Variants in DLG2 observed in about 807,000 individuals in gnomAD.
The protein encoded by DLG2 is disks large homolog 2.
In DLG2, 45 loss-of-function variants were observed where a neutral mutation model predicts 132.5. That is an observed-to-expected ratio of 0.34 (90% confidence interval 0.27 to 0.44). The LOEUF (loss-of-function observed/expected upper bound fraction) is 0.44, where lower values mean the gene tolerates loss of function less well. Ranked by LOEUF, DLG2 falls within the 20% of genes least tolerant of loss-of-function variation. The pLI is 1.00. For missense variants in DLG2, 1,045 were observed against 1,196.9 expected (o/e 0.87, Z 1.87); for synonymous variants, 424 against 419.6 (o/e 1.01, Z -0.13).
chr11:84,853,206 G>A (rs1052055924), intron 6 of DLG2, among the ~76,000 whole-genome samples: 3 of 151,916 alleles, frequency 2.0e-5, no homozygotes, highest in Non-Finnish European at 1.5e-5. Context: ...AACCCTATTT[G>A]CTTCTTTGAT....
intron 7 of DLG2, chr11:84,317,165 T>A: frequency 6.3e-7 from 1 of 1,594,160 alleles, no homozygotes; most frequent in East Asian, 2.2e-5. Flanking sequence ...ATGCCTACTC[T>A]TTCCTTTGGT....
At chr11:84,505,208 T>G (rs2154511985) in intron 7 of DLG2, among the ~76,000 whole-genome samples, 1 of 152,286 alleles carries the variant, frequency 6.6e-6, no homozygotes, top group Admixed American at 6.5e-5. Context: ...TAGGCGACCC[T>G]TCCCACAAAT....
At chr11:84,184,993 A>G (rs1362997572) in intron 8 of DLG2, among the ~76,000 whole-genome samples, 8 of 152,104 alleles carry the variant, frequency 5.3e-5, no homozygotes, top group Admixed American at 2.0e-4. Context: ...GTAGTTTGAA[A>G]TCAGGTAGCG....
intron 6 of DLG2, among the ~76,000 whole-genome samples, chr11:84,555,269 A>G (rs752131404): frequency 1.3e-5 from 2 of 152,174 alleles, no homozygotes; most frequent in Non-Finnish European, 2.9e-5. Flanking sequence ...GAACTACAAT[A>G]TTATCTAGCA....
chr11:85,026,007 C>G (rs936668698), intron 6 of DLG2, among the ~76,000 whole-genome samples: 2 of 151,754 alleles, frequency 1.3e-5, no homozygotes, highest in Non-Finnish European at 2.9e-5. Context: ...GTACATAAGA[C>G]AATAAAGATT....
At chr11:84,701,848 C>T (rs543962267) in intron 6 of DLG2, among the ~76,000 whole-genome samples, 2 of 151,386 alleles carry the variant, frequency 1.3e-5, no homozygotes, top group Non-Finnish European at 3.0e-5. Flanking sequence ...CCAGATCACA[C>T]CTTATTTTTC....
intron 5 of DLG2, among the ~76,000 whole-genome samples, chr11:85,115,428 GC>G (rs1362833627): frequency 1.3e-5 from 2 of 151,856 alleles, no homozygotes; most frequent in Admixed American, 1.3e-4. Context: ...GTCAGTATCT[GC>G]CTAAAAAAGT....
chr11:84,900,171 T>A (rs987841099), intron 6 of DLG2, among the ~76,000 whole-genome samples: 12 of 152,126 alleles, frequency 7.9e-5, no homozygotes, highest in African/African-American at 2.9e-4. Flanking sequence ...CAATACTGAA[T>A]ACATTACTGA....
At chr11:84,978,626 A>C (rs537510320) in intron 6 of DLG2, among the ~76,000 whole-genome samples, 3 of 152,330 alleles carry the variant, frequency 2.0e-5, no homozygotes, top group African/African-American at 7.2e-5. Flanking sequence ...AGAAAGCTGA[A>C]ACTGGATCCC....
chr11:85,389,238 A>C (rs2086600943), intron 3 of DLG2, among the ~76,000 whole-genome samples: 4 of 152,194 alleles, frequency 2.6e-5, no homozygotes, highest in Admixed American at 2.0e-4. Flanking sequence ...AATAGAATTG[A>C]ACAAGTAGAA....
chr11:84,615,863 A>G (rs957951136), intron 6 of DLG2, among the ~76,000 whole-genome samples: 19 of 148,830 alleles, frequency 1.3e-4, no homozygotes, highest in African/African-American at 4.5e-4. Context: ...ACCCCATGTA[A>G]TATTTCCATT....
chr11:85,391,386 T>C (rs566651424), intron 3 of DLG2, among the ~76,000 whole-genome samples: 2 of 152,060 alleles, frequency 1.3e-5, no homozygotes, highest in African/African-American at 2.4e-5. Flanking sequence ...ACCAATCCCA[T>C]TGGTACTATT....
chr11:84,724,236 T>C lies in DLG2; in HGVS notation c.358-189505A>G, dbSNP rs190266113. ...ATAGGTATACTAGATTATTTCTAAG[T>C]TTGCTTCCAATGTTGAAGTTCTCTG... is the stretch of plus-strand genomic sequence containing the variant. On this transcript the variant is annotated intron_variant, in intron 6 of 27. Coordinates refer to ENST00000376104, the MANE Select transcript of DLG2 (RefSeq NM_001142699.3). 3.3e-5 allele frequency among the ~76,000 whole-genome samples: 5 copies of C among 152,294 alleles called. No individual in the cohort carries two copies. The East Asian group carries it at 9.6e-4, about 29-fold the overall frequency.
At chr11:85,384,694 A>G (rs1302213800) in intron 3 of DLG2, among the ~76,000 whole-genome samples, 2 of 152,144 alleles carry the variant, frequency 1.3e-5, no homozygotes, top group Admixed American at 6.6e-5. Context: ...TTAACCCCCA[A>G]GTAGGTGGGA....
chr11:84,764,125 C>T (rs374822964), intron 6 of DLG2, among the ~76,000 whole-genome samples: 75 of 152,226 alleles, frequency 4.9e-4, no homozygotes, highest in African/African-American at 1.6e-3. Context: ...ACTAGAGATA[C>T]TGTGAGACAG....
intron 3 of DLG2, among the ~76,000 whole-genome samples, chr11:85,460,890 G>C (rs79060580): frequency 0.024 from 3,634 of 152,200 alleles, 141 homozygotes; most frequent in African/African-American, 0.082. Context: ...CTGTTGGTTA[G>C]GTTTTATTTG....
intron 11 of DLG2, among the ~76,000 whole-genome samples, chr11:84,038,314 C>T (rs2095932918): frequency 1.3e-5 from 2 of 151,486 alleles, no homozygotes; most frequent in South Asian, 4.2e-4. Context: ...AAAAAAACAA[C>T]CCCATAAAAA....
intron 18 of DLG2, among the ~76,000 whole-genome samples, chr11:83,672,887 C>A (rs373048149): frequency 6.6e-6 from 1 of 152,092 alleles, no homozygotes; most frequent in Non-Finnish European, 1.5e-5. Flanking sequence ...ATGGTGAAAC[C>A]CGTCTCTACT....
intron 24 of DLG2, among the ~76,000 whole-genome samples, chr11:83,470,400 A>G (rs1290243241): frequency 6.6e-6 from 1 of 152,164 alleles, no homozygotes; most frequent in Non-Finnish European, 1.5e-5. Flanking sequence ...GTATACTTCT[A>G]ATTTTCTCGT....
Sources: gnomAD v4.1 joint callset for allele counts (sites outside exome capture counted in the v4.1 genomes callset) on GRCh38, gnomAD v4.1.1 for gene constraint, MANE v1.5 for transcripts, NCBI Gene and HGNC (gene_info 2026-07-23, HGNC 2026-07-21) for gene names.